The following SPTLC1 variants were observed in gnomAD, a reference collection of about 807,000 sequenced individuals.
The protein encoded by SPTLC1 is serine palmitoyltransferase 1.
SPTLC1 carries 55 observed loss-of-function variants against 68.9 expected under a neutral mutation model. The observed-to-expected ratio is 0.80, with a 90% CI of 0.64 to 1.00. The LOEUF is 1.00. SPTLC1 is among the 50% of genes least tolerant of loss of function. SPTLC1 has a pLI of 0.00. For synonymous variants in SPTLC1, 197 were observed against 201.6 expected (o/e 0.98, Z 0.19); for missense variants, 449 against 573.1 (o/e 0.78, Z 2.21).
In SPTLC1 at chr9:92,090,426, T is replaced by C. The variant is rs1167013947; in HGVS notation, c.261-9463A>G. On this transcript the variant is annotated intron_variant, in intron 3 of 14. Transcript: ENST00000262554. ...GAGTCCGAGACCAGCCTGGCCAACA[T>C]GGTGAAACCCTGTCTCTACTAAAAA... is the stretch of plus-strand genomic sequence containing the variant. Among the ~76,000 whole-genome samples, 3 of 152,056 alleles carry C rather than the reference T, an allele frequency of 2.0e-5. 1 individual carries two copies. Among genetic ancestry groups the C allele is most frequent in the African/African-American group, 7.2e-5 (3 of 41,392 alleles).
chr9:92,042,166 T>C (rs566282684), intron 12 of SPTLC1, among the ~76,000 whole-genome samples: 10 of 152,072 alleles, frequency 6.6e-5, no homozygotes, highest in African/African-American at 1.4e-4. Context: ...CAAAAACCCA[T>C]AGCATGATGT....
At chr9:92,079,691 C>A in intron 5 of SPTLC1, 2 of 862,218 alleles carry the variant, frequency 2.3e-6, no homozygotes, top group East Asian at 2.4e-5. Flanking sequence ...GGGTTCCGCT[C>A]TCATCAGTGG....
At chr9:92,060,696 G>C (rs1394071261) in intron 6 of SPTLC1, among the ~76,000 whole-genome samples, 3 of 150,974 alleles carry the variant, frequency 2.0e-5, no homozygotes, top group Non-Finnish European at 4.4e-5. Context: ...CACGAGGTCA[G>C]GAGATCGAGA....
intron 6 of SPTLC1, among the ~76,000 whole-genome samples, chr9:92,067,037 C>T (rs1050069958): frequency 2.0e-5 from 3 of 151,846 alleles, no homozygotes; most frequent in Non-Finnish European, 2.9e-5. Flanking sequence ...GTGGCTCACG[C>T]CTGTAATCCT....
At chr9:92,102,825 T>TTATTATA (rs1835805419) in intron 3 of SPTLC1, among the ~76,000 whole-genome samples, 1 of 152,208 alleles carries the variant, frequency 6.6e-6, no homozygotes, top group Non-Finnish European at 1.5e-5. Context: ...TATCTTTGAA[T>TTATTATA]ATAGATAGTT....
intron 5 of SPTLC1, chr9:92,079,445 G>C: frequency 6.3e-7 from 1 of 1,598,388 alleles, no homozygotes; most frequent in African/African-American, 1.4e-5. Context: ...ATAAAATGCC[G>C]GTCTTCTTTG....
intron 6 of SPTLC1, among the ~76,000 whole-genome samples, chr9:92,067,058 G>A (rs1352439169): frequency 1.3e-5 from 2 of 151,886 alleles, no homozygotes; most frequent in Non-Finnish European, 2.9e-5. Context: ...AGCACTTTGG[G>A]AGGCCGAGGC....
intron 3 of SPTLC1, among the ~76,000 whole-genome samples, chr9:92,087,480 A>T (rs1203149492): frequency 6.6e-6 from 1 of 152,200 alleles, no homozygotes; most frequent in Non-Finnish European, 1.5e-5. Context: ...CCTCAGCTGC[A>T]GGTCTGTTGG....
At position 92,045,919 on chromosome 9, in the gene SPTLC1, C is replaced by T. The variant is rs1377312791; in HGVS notation, c.1136+80G>A. 4 of 1,364,306 alleles carry T rather than the reference C, an allele frequency of 2.9e-6. No individual in the cohort carries two copies. In the African/African-American group the frequency reaches 4.3e-5, roughly 15 times the overall value. 84.5% of individuals were successfully genotyped at this position (1,364,306 alleles called of 1,614,324 possible). A position where few individuals can be genotyped will look rare whatever the true frequency, so the allele number is the denominator to read the frequency against. On this transcript the variant is annotated intron_variant, in intron 12 of 14. Transcript: ENST00000262554. ...GCAATCTGGTCAAACTGACCCAAGC[C>T]TAGAAATTTAAAACTTTCCATTAGT... is the stretch of plus-strand genomic sequence containing the variant.
At chr9:92,103,181 T>G (rs1392602927) in intron 3 of SPTLC1, among the ~76,000 whole-genome samples, 11 of 152,220 alleles carry the variant, frequency 7.2e-5, no homozygotes, top group Admixed American at 6.5e-4. Flanking sequence ...GAACATAATC[T>G]TTACATACGT....
At chr9:92,098,122 G>A (rs1192454878) in intron 3 of SPTLC1, among the ~76,000 whole-genome samples, 1 of 151,994 alleles carries the variant, frequency 6.6e-6, no homozygotes, top group East Asian at 1.9e-4. Flanking sequence ...CCGCCATCTC[G>A]GCAGCCATCT....
chr9:92,111,706 C>T (rs1836253235), intron 2 of SPTLC1: 1 of 152,236 alleles, frequency 6.6e-6, no homozygotes, highest in South Asian at 2.1e-4. Context: ...CCTCCGTAAG[C>T]CACATAGCAC....
chr9:92,097,545 CATT>C (rs987294593), intron 3 of SPTLC1, among the ~76,000 whole-genome samples: 9 of 152,052 alleles, frequency 5.9e-5, no homozygotes, highest in African/African-American at 2.2e-4. Context: ...GTCCTGAAAA[CATT>C]ATGTTAAGTG....
At chr9:92,111,648 G>A (rs1836250174) in intron 2 of SPTLC1, 1 of 152,022 alleles carries the variant, frequency 6.6e-6, no homozygotes, top group Non-Finnish European at 1.5e-5. Context: ...GTTATAACAA[G>A]CTCTATTTGT....
chr9:92,083,414 T>C (rs983080928), intron 3 of SPTLC1, among the ~76,000 whole-genome samples: 1 of 150,964 alleles, frequency 6.6e-6, no homozygotes, highest in Non-Finnish European at 1.5e-5. Context: ...AATTAATTTT[T>C]GTATAAGGTG....
At chr9:92,082,899 CTGT>C (rs1275683061) in intron 3 of SPTLC1, among the ~76,000 whole-genome samples, 62 of 152,152 alleles carry the variant, frequency 4.1e-4, no homozygotes, top group Middle Eastern at 3.4e-3. Flanking sequence ...TCTCCAGCAC[CTGT>C]TGTTTCCTGA....
chr9:92,058,110 T>C lies in SPTLC1; in HGVS notation c.690+1069A>G, dbSNP rs190944130. Among the ~76,000 whole-genome samples the C allele has an allele frequency of 1.4e-3, 211 of 152,344 alleles. 1 individual carries two copies. Among genetic ancestry groups the C allele is most frequent in the African/African-American group, 3.8e-3 (160 of 41,590 alleles). On this transcript the variant is annotated intron_variant, in intron 7 of 14. Coordinates refer to ENST00000262554, the MANE Select transcript of SPTLC1 (RefSeq NM_006415.4). ...TTGTAAAAGAAATTAATCAGTGGAA[T>C]GGGCTGTTTTCAGATTTTGCCTATA... is the stretch of plus-strand genomic sequence containing the variant.
chr9:92,035,431 G>C (rs1475045178), intron 13 of SPTLC1, among the ~76,000 whole-genome samples: 1 of 152,198 alleles, frequency 6.6e-6, no homozygotes, highest in Non-Finnish European at 1.5e-5. Context: ...GTTTTACCCA[G>C]CTTTCCTATA....
chr9:92,093,838 C>T (rs1587596409), intron 3 of SPTLC1, among the ~76,000 whole-genome samples: 1 of 152,156 alleles, frequency 6.6e-6, no homozygotes. Flanking sequence ...CCGGGAGGTG[C>T]TTTACCAGAA....
Sources: gnomAD v4.1 joint callset for allele counts (sites outside exome capture counted in the v4.1 genomes callset) on GRCh38, gnomAD v4.1.1 for gene constraint, MANE v1.5 for transcripts, NCBI Gene and HGNC (gene_info 2026-07-23, HGNC 2026-07-21) for gene names.